The following CD163L1 variants were observed in gnomAD, a reference collection of about 807,000 sequenced individuals.
CD163L1 encodes the protein CD163 molecule like 1.
CD163L1 carries 124 observed loss-of-function variants against 165.4 expected under a neutral mutation model. That is an observed-to-expected ratio of 0.75 (90% CI 0.65 to 0.87). The LOEUF is 0.87. Among genes scored for constraint, CD163L1 ranks in the 40% least tolerant of loss-of-function variants. The pLI, the probability that CD163L1 is intolerant of heterozygous loss-of-function variation, is 0.00. For synonymous variants in CD163L1, 585 were observed against 662.2 expected (o/e 0.88, Z 1.79); for missense variants, 1,525 against 1,799.9 (o/e 0.85, Z 2.76).
intron 4 of CD163L1, among the ~76,000 whole-genome samples, chr12:7,421,714 CATATACGT>C (rs1411564739): frequency 1.2e-4 from 16 of 136,694 alleles, no homozygotes; most frequent in African/African-American, 4.3e-4. Context: ...TACATAAATA[CATATACGT>C]ATATATGTAT....
At chr12:7,436,576 G>A (rs768684723) in intron 2 of CD163L1, among the ~76,000 whole-genome samples, 12 of 152,026 alleles carry the variant, frequency 7.9e-5, no homozygotes, top group East Asian at 1.9e-4. Flanking sequence ...GTTCCAGATC[G>A]GCCTGGACAA....
Position 7,375,496 on chromosome 12 carries a change from C to A in CD163L1, c.2786G>T (p.Trp929Leu), listed in dbSNP as rs749912306. ...GHWGSLCDTHWDPEDARVLCR... is the reference protein window; with the variant it reads ...GHWGSLCDTHLDPEDARVLCR... ...TAGAACACGGGCATCTTCTGGGTCC[C>A]AGTGGGTGTCACACAGTGAGCCCCA... Residue 929 changes from tryptophan to leucine, a missense_variant, in exon 11 of 20, where the codon TGG (tryptophan) becomes TTG (leucine). Coordinates refer to ENST00000313599, the MANE Select transcript of CD163L1 (RefSeq NM_174941.6). 6.2e-7 allele frequency: 1 copy of A among 1,614,136 alleles called. No individual in the cohort carries two copies. The highest frequency in any genetic ancestry group is 8.5e-7 in the Non-Finnish European group (1 of 1,180,012).
intron 9 of CD163L1, among the ~76,000 whole-genome samples, chr12:7,377,229 C>T (rs777770044): frequency 3.0e-4 from 46 of 152,318 alleles, no homozygotes; most frequent in African/African-American, 7.7e-4. Flanking sequence ...CCATGACCTT[C>T]GAGTCTTTGT....
intron 4 of CD163L1, among the ~76,000 whole-genome samples, chr12:7,426,817 TC>T (rs1948551448): frequency 6.6e-6 from 1 of 152,012 alleles, no homozygotes; most frequent in Admixed American, 6.6e-5. Flanking sequence ...GGGACTCACT[TC>T]TTTAGTTTTA....
chr12:7,392,156 T>C (rs1947669764), intron 8 of CD163L1, among the ~76,000 whole-genome samples: 1 of 152,138 alleles, frequency 6.6e-6, no homozygotes, highest in Non-Finnish European at 1.5e-5. Context: ...TATTCTAAAA[T>C]TGACCACATA....
chr12:7,429,782 T>A (rs967702402), intron 4 of CD163L1, among the ~76,000 whole-genome samples: 2 of 152,154 alleles, frequency 1.3e-5, no homozygotes, highest in African/African-American at 2.4e-5. Flanking sequence ...CAAGCTTGGC[T>A]CTCAAAAGCT....
chr12:7,323,230 A>G, the CD163L1 span: 4 of 1,604,974 alleles, frequency 2.5e-6, no homozygotes, highest in Non-Finnish European at 3.4e-6. Context: ...TGTCCTCTCA[A>G]TAGGGAATGA....
chr12:7,366,054 G>A (rs985742295), intron 18 of CD163L1, among the ~76,000 whole-genome samples: 1 of 151,976 alleles, frequency 6.6e-6, no homozygotes, highest in Non-Finnish European at 1.5e-5. Context: ...GTATATATAC[G>A]CACACATTTT....
At chr12:7,370,909 C>T (rs1029967169) in intron 14 of CD163L1, among the ~76,000 whole-genome samples, 4 of 152,040 alleles carry the variant, frequency 2.6e-5, no homozygotes, top group Non-Finnish European at 4.4e-5. Flanking sequence ...TTGGCTGTAT[C>T]CCCACCCAAA....
chr12:7,408,149 T>G (rs1948067288), intron 4 of CD163L1, among the ~76,000 whole-genome samples: 1 of 152,030 alleles, frequency 6.6e-6, no homozygotes, highest in Non-Finnish European at 1.5e-5. Flanking sequence ...TGTCTGTCTC[T>G]CTCTCTCCAA....
intron 4 of CD163L1, among the ~76,000 whole-genome samples, chr12:7,407,878 T>C (rs1163871406): frequency 6.6e-6 from 1 of 151,050 alleles, no homozygotes; most frequent in African/African-American, 2.4e-5. Context: ...GTTCCCAGAC[T>C]CCCATGGATA....
intron 8 of CD163L1, among the ~76,000 whole-genome samples, chr12:7,388,743 CAAA>C: frequency 1.1e-5 from 1 of 91,564 alleles, no homozygotes; most frequent in African/African-American, 3.7e-5. Context: ...GATCCAGTTT[CAAA>C]AAAAAAAAAA....
At chr12:7,341,408 T>C in the CD163L1 span, among the ~76,000 whole-genome samples, 1 of 152,228 alleles carries the variant, frequency 6.6e-6, no homozygotes, top group African/African-American at 2.4e-5. Context: ...GTTCTGGAAC[T>C]GTGGTTTCCT....
intron 4 of CD163L1, among the ~76,000 whole-genome samples, chr12:7,425,708 A>C (rs1164234090): frequency 6.6e-6 from 1 of 152,212 alleles, no homozygotes; most frequent in Non-Finnish European, 1.5e-5. Context: ...AAATGTCTTC[A>C]ACAAACATTT....
chr12:7,402,334 T>C (rs771080780), intron 6 of CD163L1, among the ~76,000 whole-genome samples: 8 of 152,104 alleles, frequency 5.3e-5, no homozygotes, highest in Non-Finnish European at 8.8e-5. Flanking sequence ...GTTGCATTAT[T>C]TATATTTCTA....
intron 8 of CD163L1, among the ~76,000 whole-genome samples, chr12:7,389,946 T>TTATATATATATATTTATATATATATA (rs978943097): frequency 5.5e-5 from 7 of 126,834 alleles, no homozygotes; most frequent in Non-Finnish European, 1.6e-5. Context: ...ATTAAACATT[T>TTATATATATATATTTATATATATATA]TATATATATA....
the CD163L1 span, among the ~76,000 whole-genome samples, chr12:7,335,524 TAAAACCATA>T: frequency 1.1e-4 from 17 of 152,120 alleles, no homozygotes; most frequent in African/African-American, 3.9e-4. Context: ...ATGTTAGACC[TAAAACCATA>T]AAAACCATAA....
At chr12:7,439,962 A>T (rs1948796257) in intron 2 of CD163L1, 6 of 1,570,050 alleles carry the variant, frequency 3.8e-6, no homozygotes, top group Non-Finnish European at 4.3e-6. Context: ...CTGCGGTCAC[A>T]CTCGCTCCCT....
At chr12:7,408,763 A>C (rs767401439) in intron 4 of CD163L1, among the ~76,000 whole-genome samples, 1 of 152,304 alleles carries the variant, frequency 6.6e-6, no homozygotes, top group South Asian at 2.1e-4. Context: ...GAGTCAAAAC[A>C]CTGCCTCTGC....
Sources: gnomAD v4.1 joint callset for allele counts (sites outside exome capture counted in the v4.1 genomes callset) on GRCh38, gnomAD v4.1.1 for gene constraint, MANE v1.5 for transcripts, NCBI Gene and HGNC (gene_info 2026-07-23, HGNC 2026-07-21) for gene names.